SCLT1: variants seen among roughly 807,000 people sequenced by gnomAD.
SCLT1 encodes the protein sodium channel and clathrin linker 1.
Under a neutral mutation model 112.8 loss-of-function variants are expected in SCLT1, and 78 were observed. That is an observed-to-expected ratio of 0.69 (90% CI 0.58 to 0.83). The LOEUF (loss-of-function observed/expected upper bound fraction) is 0.83. Ranked by LOEUF, SCLT1 falls within the 40% of genes least tolerant of loss-of-function variation. SCLT1 has a pLI of 0.00. For synonymous variants in SCLT1, 257 were observed against 254.7 expected (o/e 1.01, Z -0.09); for missense variants, 747 against 770.4 (o/e 0.97, Z 0.36).
rs1156866687 is a variant in SCLT1 at position 128,920,710 on chromosome 4, T to A, written c.1829+15945A>T. ...GATAGACCCACAGATAACATTGTAA[T>A]GAATGGGCAAAAGCTGGAAGCATTC... On this transcript the variant is annotated intron_variant, in intron 18 of 20. Coordinates refer to ENST00000281142, the MANE Select transcript of SCLT1 (RefSeq NM_144643.4). 3.3e-5 allele frequency among the ~76,000 whole-genome samples: 5 copies of A among 152,202 alleles called. No individual in the cohort carries two copies. The East Asian group carries it at 9.6e-4, about 29-fold the overall frequency.
intron 9 of SCLT1, among the ~76,000 whole-genome samples, chr4:128,985,627 T>G (rs573638943): frequency 6.6e-6 from 1 of 152,388 alleles, no homozygotes; most frequent in Non-Finnish European, 1.5e-5. Context: ...CTATGAGTTG[T>G]CTTTTCATTT....
chr4:129,073,118 A>G (rs1751169572), intron 2 of SCLT1, among the ~76,000 whole-genome samples: 1 of 151,982 alleles, frequency 6.6e-6, no homozygotes, highest in Non-Finnish European at 1.5e-5. Flanking sequence ...CTGGGCTTGT[A>G]CTGGGGATTG....
At chr4:128,888,500 G>A (rs371060851) in intron 20 of SCLT1, among the ~76,000 whole-genome samples, 179 bp downstream of exon 20, 15 of 152,094 alleles carry the variant, frequency 9.9e-5, no homozygotes, top group Admixed American at 4.6e-4. Context: ...TTACAGTTGC[G>A]AGCCACCACG....
chr4:129,054,792 C>G (rs1749196741), intron 2 of SCLT1, among the ~76,000 whole-genome samples: 1 of 152,094 alleles, frequency 6.6e-6, no homozygotes. Context: ...TCTGCCCTTG[C>G]AGAAAGGAGA....
intron 1 of SCLT1, among the ~76,000 whole-genome samples, chr4:129,082,771 T>C (rs1006498653): frequency 1.3e-5 from 2 of 152,140 alleles, no homozygotes; most frequent in African/African-American, 2.4e-5. Context: ...TTAAAACCAA[T>C]TGAAACTCTT....
Position 128,957,073 on chromosome 4 carries a change from T to C in SCLT1, c.1099A>G (p.Thr367Ala). The C allele has an allele frequency of 1.9e-6, 3 of 1,603,100 alleles. No individual in the cohort carries two copies. Among genetic ancestry groups the C allele is most frequent in the Non-Finnish European group, 2.6e-6 (3 of 1,173,478 alleles). The change falls in exon 13 of 21, where the codon ACA becomes GCA. Residue 367 changes from threonine to alanine, a missense_variant. Coordinates refer to ENST00000281142, the MANE Select transcript of SCLT1 (RefSeq NM_144643.4). ...GCATCTTGTACAAACCGAGAAACTG[T>C]CTCTTTCATTTTCTCTATGTCTTCT... Reference protein sequence around the residue: ...KEEDIEKMKETVSRFVQDATI... With the variant: ...KEEDIEKMKEAVSRFVQDATI...
intron 2 of SCLT1, among the ~76,000 whole-genome samples, chr4:129,075,702 C>G (rs937440704): frequency 4.6e-5 from 7 of 152,104 alleles, no homozygotes; most frequent in African/African-American, 1.7e-4. Flanking sequence ...TATAACATTT[C>G]TATCATCAGA....
In SCLT1 at chr4:129,025,100, A is replaced by G. The variant is rs905335042; in HGVS notation, c.290+13941T>C. Among the ~76,000 whole-genome samples the G allele has an allele frequency of 7.9e-3, 1,210 of 152,360 alleles. 15 individuals carry two copies. The highest frequency in any genetic ancestry group is 0.028 in the African/African-American group (1,160 of 41,580). On this transcript the variant is annotated intron_variant, in intron 5 of 20. Coordinates refer to ENST00000281142, the MANE Select transcript of SCLT1 (RefSeq NM_144643.4). ...GGTGTACCTGAAAGTGACGGGGAGA[A>G]TGGAACCAAGTTGGAAAACACTCTG...
At chr4:129,056,321 A>G (rs1390287259) in intron 2 of SCLT1, among the ~76,000 whole-genome samples, 4 of 152,252 alleles carry the variant, frequency 2.6e-5, no homozygotes. Context: ...TTTGAAATTC[A>G]GTTGGCTGTA....
At chr4:129,058,632 TG>T (rs1749670128) in intron 2 of SCLT1, among the ~76,000 whole-genome samples, 1 of 152,204 alleles carries the variant, frequency 6.6e-6, no homozygotes, top group African/African-American at 2.4e-5. Flanking sequence ...TGGCCTAATA[TG>T]ATATCTCATG....
At chr4:128,988,427 T>C (rs1742282609) in intron 9 of SCLT1, among the ~76,000 whole-genome samples, 1 of 151,980 alleles carries the variant, frequency 6.6e-6, no homozygotes. Flanking sequence ...TTTAAAACAA[T>C]TGGTCATAGT....
Position 129,082,311 on chromosome 4 carries a change from C to A in SCLT1, c.97G>T (p.Val33Leu). 1.3e-6 allele frequency: 2 copies of A among 1,512,094 alleles called. No homozygotes were observed. Among genetic ancestry groups the A allele is most frequent in the Non-Finnish European group, 1.8e-6 (2 of 1,093,408 alleles). The allele number at this position is 1,512,094 out of a possible 1,614,324, so 93.7% of individuals were successfully genotyped here. Residue 33 changes from valine to leucine, a missense_variant, in exon 2 of 21, where the codon GTA becomes TTA. Val to Leu is a conservative substitution (Grantham distance 32, BLOSUM62 1). This residue lies in a region of SCLT1 where 723 missense variants were observed against 721.3 expected (regional missense o/e 1.00). Transcript: ENST00000281142. ...AGAATTTATAATTTACATACCTGTA[C>A]AGATGAATATTTGGAAAAACTTTCC... ...QMESFSKYSSVQKAVCQGEGD... is the reference protein window; with the variant it reads ...QMESFSKYSSLQKAVCQGEGD...
chr4:128,923,881 G>C (rs1736079075), intron 18 of SCLT1, among the ~76,000 whole-genome samples: 1 of 151,822 alleles, frequency 6.6e-6, no homozygotes, highest in African/African-American at 2.4e-5. Flanking sequence ...GCATGATCAG[G>C]GTTCACAGCT....
rs1384341299 is a variant in SCLT1 at position 129,017,750 on chromosome 4, G to T, written c.291-13874C>A. 3.3e-5 allele frequency among the ~76,000 whole-genome samples: 5 copies of T among 152,158 alleles called. No individual in the cohort carries two copies. The East Asian group carries it at 9.6e-4, about 29-fold the overall frequency. ...TTTGGTTGGCTTGATATTAAGAAGA[G>T]AAATTAAATAAAACGTTTTGGAGGC... On this transcript the variant is annotated intron_variant, in intron 5 of 20. Transcript: ENST00000281142.
intron 5 of SCLT1, among the ~76,000 whole-genome samples, chr4:129,028,746 C>T (rs924276577): frequency 1.3e-5 from 2 of 151,946 alleles, no homozygotes; most frequent in Non-Finnish European, 2.9e-5. Context: ...AGGCAACCTA[C>T]AAAAAGGGAG....
Position 128,948,567 on chromosome 4 carries a change from A to G in SCLT1, c.1222T>C (p.Cys408Arg), listed in dbSNP as rs1211837234. Reference protein sequence around the residue: ...TEELSALQMECAEKQGQIERV... With the variant: ...TEELSALQMERAEKQGQIERV... ...TCAATTTGGCCTTGTTTTTCAGCACACTCCTATAAATTCAAGTCATATTGT... is the reference window on the plus strand; with the variant it reads ...TCAATTTGGCCTTGTTTTTCAGCACGCTCCTATAAATTCAAGTCATATTGT... The change falls in exon 15 of 21, where the codon TGT becomes CGT. Residue 408 changes from cysteine (C) to arginine (R), a missense_variant. Cys to Arg is a radical substitution (Grantham distance 180). Coordinates refer to ENST00000281142, the MANE Select transcript of SCLT1 (RefSeq NM_144643.4). 1.4e-5 allele frequency: 22 copies of G among 1,599,078 alleles called. No individual in the cohort carries two copies. Among genetic ancestry groups the G allele is most frequent in the Non-Finnish European group, 1.8e-5 (21 of 1,168,706 alleles).
In SCLT1 at chr4:128,886,048, C is replaced by T. The variant is rs1732869954; in HGVS notation, c.2005-1509G>A. 3.3e-5 allele frequency among the ~76,000 whole-genome samples: 5 copies of T among 152,112 alleles called. No individual in the cohort carries two copies. In the South Asian group the frequency reaches 1.0e-3, roughly 32 times the overall value. ...TACAAATATTTTTCTCGGTTTGTCACTGACTTTATGACTTTTTCTGATACA... is the reference window on the plus strand; with the variant it reads ...TACAAATATTTTTCTCGGTTTGTCATTGACTTTATGACTTTTTCTGATACA... On this transcript the variant is annotated intron_variant, in intron 20 of 20. Transcript: ENST00000281142.
At chr4:128,918,366 T>G (rs576654473) in intron 18 of SCLT1, among the ~76,000 whole-genome samples, 10 of 152,204 alleles carry the variant, frequency 6.6e-5, no homozygotes, top group Admixed American at 6.5e-4. Context: ...GCAGGAAAAC[T>G]CACTTCAAGA....
At chr4:128,876,432 A>C (rs1040596698) in intron 4 of SCLT1, 2 of 152,176 alleles carry the variant, frequency 1.3e-5, no homozygotes, top group Non-Finnish European at 2.9e-5. Context: ...CAGCTGTGCA[A>C]TCTGTGATGG....
Sources: allele counts gnomAD v4.1 joint callset (sites outside exome capture counted in the v4.1 genomes callset), GRCh38; gene constraint gnomAD v4.1.1; regional missense constraint gnomAD v4.1.1; transcripts MANE v1.5; gene names NCBI Gene and HGNC (gene_info 2026-07-23, HGNC 2026-07-21).